Variants in RNF217 observed in about 807,000 individuals in gnomAD.
The protein encoded by RNF217 is E3 ubiquitin-protein ligase RNF217.
Under a neutral mutation model 57.8 loss-of-function variants are expected in RNF217, and 31 were observed. The observed-to-expected ratio is 0.54, with a 90% CI of 0.40 to 0.72. The LOEUF is 0.72. RNF217 is among the 30% of genes least tolerant of loss of function. The probability of loss-of-function intolerance (pLI) is 0.00; values close to 1 mark genes in which losing one functional copy is unlikely to be tolerated. For missense variants in RNF217, 696 were observed against 708.3 expected (o/e 0.98, Z 0.20); for synonymous variants, 313 against 294.0 (o/e 1.06, Z -0.66).
rs1402323232 is a variant in RNF217, at chr6:125,083,453, A to T, written c.*516A>T. 6.6e-6 allele frequency: 1 copy of T among 152,180 alleles called. No individual in the cohort carries two copies. Among genetic ancestry groups the T allele is most frequent in the Non-Finnish European group, 1.5e-5 (1 of 68,046 alleles). 9.4% of individuals were successfully genotyped at this position (152,180 alleles called of 1,614,324 possible). ...ATAATTCTTTTATCTTTCAAATGTTATAATTGCAAAAAATCTCAATGTCCA... is the reference window on the plus strand; with the variant it reads ...ATAATTCTTTTATCTTTCAAATGTTTTAATTGCAAAAAATCTCAATGTCCA... On this transcript the variant is annotated 3_prime_UTR_variant, in exon 6 of 6. Transcript: ENST00000521654.
chr6:125,082,501 A>C (rs1788611606), intron 5 of RNF217: 1 of 1,612,612 alleles, frequency 6.2e-7, no homozygotes, highest in African/African-American at 1.3e-5. Flanking sequence ...CCAGGAATCA[A>C]ACCCAACATT....
At chr6:125,022,923 T>C (rs1482498005) in intron 1 of RNF217, among the ~76,000 whole-genome samples, 1 of 152,112 alleles carries the variant, frequency 6.6e-6, no homozygotes, top group Non-Finnish European at 1.5e-5. Context: ...TAACCTCTTT[T>C]TGAATTTCAA....
rs1455682548 is a variant in RNF217 at position 124,962,667 on chromosome 6, C to T, written c.123C>T (p.Pro41=). The T allele has an allele frequency of 1.3e-5, 17 of 1,340,388 alleles. No homozygotes were observed. Among genetic ancestry groups the T allele is most frequent in the East Asian group, 9.3e-5 (3 of 32,384 alleles). The allele number at this position is 1,340,388 out of a possible 1,614,324, so 83.0% of individuals were successfully genotyped here. A position where few individuals can be genotyped will look rare whatever the true frequency, so the allele number is the denominator to read the frequency against. Residue 41 remains proline (P), a synonymous_variant, in exon 1 of 6, where the codon CCC becomes CCT. Coordinates refer to ENST00000521654, the MANE Select transcript of RNF217 (RefSeq NM_001286398.3). This position sits in a 1 kb window ranked among gnomAD's most constrained non-coding sequence, Gnocchi z 4.6. ...PRPQGDSARA[P]PLRAASAEPS... Reference sequence around the variant, plus strand: ...CTCAGGGGGACAGCGCCCGGGCGCCCCCGCTGCGCGCCGCCTCCGCGGAGC... The same window carrying T: ...CTCAGGGGGACAGCGCCCGGGCGCCTCCGCTGCGCGCCGCCTCCGCGGAGC...
chr6:125,034,737 T>G (rs200620896), intron 1 of RNF217, among the ~76,000 whole-genome samples: 2 of 152,160 alleles, frequency 1.3e-5, no homozygotes, highest in South Asian at 2.1e-4. Context: ...GTGAAGAAAG[T>G]CATTGGTAGC....
chr6:125,075,030 G>A (rs1396111305), intron 3 of RNF217, among the ~76,000 whole-genome samples: 2 of 152,174 alleles, frequency 1.3e-5, no homozygotes, highest in Non-Finnish European at 2.9e-5. Flanking sequence ...TGTGACTTGA[G>A]CAAGTACCTA....
At chr6:125,005,898 T>C (rs998900364) in intron 1 of RNF217, among the ~76,000 whole-genome samples, 5 of 152,226 alleles carry the variant, frequency 3.3e-5, no homozygotes, top group African/African-American at 1.2e-4. Context: ...TGTCACACTC[T>C]AAGAATAGTA....
At chr6:125,048,216 C>T (rs72969686) in intron 2 of RNF217, 15,302 of 1,355,870 alleles carry the variant, frequency 0.011, 115 homozygotes, top group Middle Eastern at 0.014. Context: ...CACAGTATGG[C>T]ACCCTGTACT....
chr6:124,966,064 G>C (rs1783526796), intron 1 of RNF217, among the ~76,000 whole-genome samples: 1 of 152,182 alleles, frequency 6.6e-6, no homozygotes, highest in Non-Finnish European at 1.5e-5. Flanking sequence ...TGAGCTTCTT[G>C]ATACTTAAGA....
At chr6:125,063,686 A>G (rs1488504393) in intron 3 of RNF217, among the ~76,000 whole-genome samples, 1 of 152,022 alleles carries the variant, frequency 6.6e-6, no homozygotes, top group East Asian at 1.9e-4. Context: ...TTATAACATA[A>G]CAGGATTGGT....
chr6:124,962,484 G>T lies in RNF217; in HGVS notation c.-61G>T, dbSNP rs7768909. ...CCGAGCCACTGCCCCCGCTGCCCGC[G>T]GGCGCCGGGTGGGGGTCCCGGCGGC... On this transcript the variant is annotated 5_prime_UTR_variant, in exon 1 of 6. Coordinates refer to ENST00000521654, the MANE Select transcript of RNF217 (RefSeq NM_001286398.3). This position sits in a 1 kb window ranked among gnomAD's most constrained non-coding sequence, Gnocchi z 4.6. The T allele has an allele frequency of 4.3e-5, 35 of 822,162 alleles. 1 individual carries two copies. Among genetic ancestry groups the T allele is most frequent in the Non-Finnish European group, 5.1e-5 (33 of 648,734 alleles). The allele number at this position is 822,162 out of a possible 1,614,324, so 50.9% of individuals were successfully genotyped here. A position where few individuals can be genotyped will look rare whatever the true frequency, so the allele number is the denominator to read the frequency against.
intron 1 of RNF217, among the ~76,000 whole-genome samples, chr6:124,997,375 G>A (rs1373287064): frequency 6.6e-6 from 1 of 152,248 alleles, no homozygotes; most frequent in Admixed American, 6.5e-5. Context: ...AGATATTCCT[G>A]GAAATCATTC....
chr6:125,008,256 A>AG (rs1491258411), intron 1 of RNF217, among the ~76,000 whole-genome samples: 1 of 125,428 alleles, frequency 8.0e-6, no homozygotes, highest in African/African-American at 4.8e-5. Context: ...ACTCTGTCTC[A>AG]AAAAAAAAAA....
At chr6:125,060,067 A>G (rs1787674122) in intron 3 of RNF217, among the ~76,000 whole-genome samples, 1 of 152,134 alleles carries the variant, frequency 6.6e-6, no homozygotes, top group African/African-American at 2.4e-5. Flanking sequence ...GGACCCTAAA[A>G]TTATGTTTTG....
chr6:125,018,272 A>G (rs1785688342), intron 1 of RNF217, among the ~76,000 whole-genome samples: 1 of 152,172 alleles, frequency 6.6e-6, no homozygotes, highest in Non-Finnish European at 1.5e-5. Context: ...AAAGTTAACA[A>G]TTATCTTTAT....
At chr6:125,013,206 T>A (rs549829288) in intron 1 of RNF217, among the ~76,000 whole-genome samples, 1 of 152,158 alleles carries the variant, frequency 6.6e-6, no homozygotes. Context: ...GAGATTATAA[T>A]TTAGTGAGAA....
intron 1 of RNF217, among the ~76,000 whole-genome samples, chr6:124,980,691 TG>T (rs1562450547): frequency 3.4e-5 from 5 of 146,828 alleles, no homozygotes; most frequent in Non-Finnish European, 7.6e-5. Flanking sequence ...TCTTTGTTTT[TG>T]GTTAGAGTAG....
At chr6:125,077,446 A>G (rs989491534) in intron 4 of RNF217, among the ~76,000 whole-genome samples, 2 of 152,170 alleles carry the variant, frequency 1.3e-5, no homozygotes, top group African/African-American at 4.8e-5. Flanking sequence ...CCAAGTGAAA[A>G]TGCTTTTGTG....
chr6:125,083,998 A>G lies in RNF217; in HGVS notation c.*1061A>G, dbSNP rs1013136664. ...CTGCTTAAGCCTTTAAAAAATTCCT[A>G]TTCTGCTAATTTTTTAACCAACTTG... On this transcript the variant is annotated 3_prime_UTR_variant, in exon 6 of 6. Transcript: ENST00000521654. 1.3e-5 allele frequency: 2 copies of G among 152,070 alleles called. No homozygotes were observed. Among genetic ancestry groups the G allele is most frequent in the Non-Finnish European group, 2.9e-5 (2 of 67,970 alleles). 9.4% of individuals were successfully genotyped at this position (152,070 alleles called of 1,614,324 possible).
At chr6:125,082,408 TA>T in intron 5 of RNF217, 1 of 1,534,916 alleles carries the variant, frequency 6.5e-7, no homozygotes, top group Non-Finnish European at 8.8e-7. Flanking sequence ...CAATGTGAGT[TA>T]GGACATTATG....
Sources: allele counts gnomAD v4.1 joint callset (sites outside exome capture counted in the v4.1 genomes callset), GRCh38; gene constraint gnomAD v4.1.1; non-coding constraint Gnocchi (gnomAD v3.1); transcripts MANE v1.5; gene names NCBI Gene and HGNC (gene_info 2026-07-23, HGNC 2026-07-21).